The following CSMD2 variants were observed in gnomAD, a reference collection of about 807,000 sequenced individuals.
CSMD2 encodes the protein CUB and sushi domain-containing protein 2.
Under a neutral mutation model 398.5 loss-of-function variants are expected in CSMD2, and 130 were observed. The observed-to-expected ratio is 0.33, with a 90% CI of 0.28 to 0.38. The LOEUF is 0.38. Among genes scored for constraint, CSMD2 ranks in the 10% least tolerant of loss-of-function variants. CSMD2 has a pLI of 1.00. For synonymous variants in CSMD2, 1,828 were observed against 1,908.5 expected (o/e 0.96, Z 1.10); for missense variants, 3,829 against 4,764.9 (o/e 0.80, Z 5.78).
chr1:33,606,016 G>A, intron 41 of CSMD2: 1 of 1,602,020 alleles, frequency 6.2e-7, no homozygotes, highest in Non-Finnish European at 8.5e-7. Context: ...GCTTTTCAGA[G>A]GGAGTAGCTG....
At chr1:33,558,117 A>C (rs1254771115) in intron 54 of CSMD2, among the ~76,000 whole-genome samples, 195 bp from the exon 55 acceptor site, 6 of 151,776 alleles carry the variant, frequency 4.0e-5, no homozygotes, top group South Asian at 4.2e-4. Flanking sequence ...TCCTTAGAGA[A>C]CTCCTCCCAC....
chr1:33,554,482 C>T (rs772065881), intron 55 of CSMD2, among the ~76,000 whole-genome samples: 37 of 152,184 alleles, frequency 2.4e-4, no homozygotes, highest in Admixed American at 3.9e-4. Context: ...CATGAGCCAC[C>T]GACAGCCTTC....
At chr1:34,002,447 T>G (rs980270890) in intron 3 of CSMD2, among the ~76,000 whole-genome samples, 3 of 152,208 alleles carry the variant, frequency 2.0e-5, no homozygotes, top group African/African-American at 7.2e-5. Context: ...ACTCTCCTGG[T>G]GCCTCAGTTT....
At position 33,636,582 on chromosome 1, in the gene CSMD2, A is replaced by G. The variant is rs374507698; in HGVS notation, c.4775-28T>C. ...GGGAAAAAGAAATACAAACACGTGC[A>G]CACACACAGAGGGCTCATGAGGAGG... On this transcript the variant is annotated intron_variant, in intron 29 of 70. Coordinates refer to ENST00000373381, the MANE Select transcript of CSMD2 (RefSeq NM_001281956.2). This position sits in a 1 kb window ranked among gnomAD's most constrained non-coding sequence, Gnocchi z 4.8. 6.2e-7 allele frequency: 1 copy of G among 1,601,364 alleles called. No individual in the cohort carries two copies. The highest frequency in any genetic ancestry group is 1.7e-5 in the Admixed American group (1 of 59,752).
chr1:34,003,142 A>G (rs76990251), intron 3 of CSMD2, among the ~76,000 whole-genome samples: 1,724 of 152,064 alleles, frequency 0.011, 61 homozygotes, highest in East Asian at 0.11. Flanking sequence ...TCCTTCTCCA[A>G]CTCCCATTCC....
At chr1:34,121,450 A>G (rs985966917) in intron 1 of CSMD2, among the ~76,000 whole-genome samples, 2 of 152,170 alleles carry the variant, frequency 1.3e-5, no homozygotes, top group African/African-American at 4.8e-5. Flanking sequence ...AAGAGACTCT[A>G]CCTGTTAGAA....
intron 5 of CSMD2, chr1:33,864,430 G>T: frequency 6.2e-7 from 1 of 1,614,132 alleles, no homozygotes; most frequent in Non-Finnish European, 8.5e-7. Context: ...AATTATGTTG[G>T]CAAGAGGAAG....
At chr1:33,617,666 G>T (rs377060655) in intron 37 of CSMD2, 49 bp from the exon 38 acceptor site, 6 of 1,451,956 alleles carry the variant, frequency 4.1e-6, no homozygotes, top group Non-Finnish European at 4.8e-6. Flanking sequence ...AGCCCAGCAG[G>T]TCAACGTGGC....
chr1:33,758,475 C>G (rs1362759415), intron 13 of CSMD2, among the ~76,000 whole-genome samples: 4 of 152,196 alleles, frequency 2.6e-5, no homozygotes, highest in Non-Finnish European at 5.9e-5. Flanking sequence ...CAATATAACA[C>G]TACTAATAAT....
At chr1:33,957,235 C>T (rs1645199151) in intron 3 of CSMD2, among the ~76,000 whole-genome samples, 1 of 152,140 alleles carries the variant, frequency 6.6e-6, no homozygotes. Context: ...CAGGGAGCCT[C>T]TCTGACTCAT....
intron 10 of CSMD2, among the ~76,000 whole-genome samples, chr1:33,808,261 C>A (rs1158274347): frequency 6.6e-6 from 1 of 151,604 alleles, no homozygotes; most frequent in Non-Finnish European, 1.5e-5. Flanking sequence ...GAGACAAACA[C>A]AATTAACAAG....
rs11542685 is a variant in CSMD2, at chr1:33,864,545, G to T, written c.921-17549C>A. 10 of 1,613,990 alleles carry T rather than the reference G, an allele frequency of 6.2e-6. No individual in the cohort carries two copies. The highest frequency in any genetic ancestry group is 8.5e-6 in the Non-Finnish European group (10 of 1,180,026). On this transcript the variant is annotated intron_variant, in intron 5 of 70. Transcript: ENST00000373381. ...AGCTGAAGAGGGAGAACCCGAACTG[G>T]TCGGTGGTGCAGGTGGCCAAGGCCA...
intron 3 of CSMD2, among the ~76,000 whole-genome samples, chr1:33,961,699 G>C (rs967680177): frequency 2.0e-5 from 3 of 152,138 alleles, no homozygotes; most frequent in Non-Finnish European, 4.4e-5. Flanking sequence ...CTCACTCCAT[G>C]AGTTCACGCA....
intron 5 of CSMD2, among the ~76,000 whole-genome samples, chr1:33,857,540 T>G (rs1639187180): frequency 6.6e-6 from 1 of 152,226 alleles, no homozygotes; most frequent in African/African-American, 2.4e-5. Flanking sequence ...GCTGGCATCA[T>G]TCTCTCTACT....
At chr1:33,664,085 A>G (rs1644231199) in intron 25 of CSMD2, among the ~76,000 whole-genome samples, 1 of 152,218 alleles carries the variant, frequency 6.6e-6, no homozygotes, top group African/African-American at 2.4e-5. Context: ...TCTTTTTAAA[A>G]ATATCTTTTT....
intron 1 of CSMD2, among the ~76,000 whole-genome samples, chr1:34,102,448 T>C (rs980377355): frequency 6.6e-6 from 1 of 152,156 alleles, no homozygotes; most frequent in Non-Finnish European, 1.5e-5. Flanking sequence ...CTCATCTCAC[T>C]CAACATAAAA....
At chr1:33,667,396 T>A (rs1644352092) in intron 25 of CSMD2, among the ~76,000 whole-genome samples, 3 of 152,192 alleles carry the variant, frequency 2.0e-5, no homozygotes, top group Non-Finnish European at 4.4e-5. Context: ...AGGACTAGTC[T>A]CATCTTTAAC....
At chr1:33,754,145 A>G (rs569107442) in intron 13 of CSMD2, among the ~76,000 whole-genome samples, 53 of 152,272 alleles carry the variant, frequency 3.5e-4, no homozygotes, top group African/African-American at 1.3e-3. Flanking sequence ...TATGGTTTGG[A>G]TATTTGTCTC....
At chr1:34,095,672 A>C (rs1182051748) in intron 1 of CSMD2, among the ~76,000 whole-genome samples, 18 of 151,904 alleles carry the variant, frequency 1.2e-4, no homozygotes, top group East Asian at 9.7e-4. Flanking sequence ...GAAATGGATA[A>C]ATTCCTGGAC....
Sources: gnomAD v4.1 joint callset for allele counts (sites outside exome capture counted in the v4.1 genomes callset) on GRCh38, gnomAD v4.1.1 for gene constraint, Gnocchi (gnomAD v3.1) non-coding constraint, MANE v1.5 for transcripts, NCBI Gene and HGNC (gene_info 2026-07-23, HGNC 2026-07-21) for gene names.